DLGAP1: variants seen among roughly 807,000 people sequenced by gnomAD.
The protein encoded by DLGAP1 is disks large-associated protein 1.
A neutral mutation model predicts 90.8 loss-of-function variants in DLGAP1; 11 were observed. The observed-to-expected ratio is 0.12, with a 90% CI of 0.08 to 0.20. DLGAP1 has a LOEUF of 0.20. Among genes scored for constraint, DLGAP1 ranks in the 10% least tolerant of loss-of-function variants. The pLI is 1.00. For synonymous variants in DLGAP1, 558 were observed against 540.7 expected (o/e 1.03, Z -0.44); for missense variants, 1,050 against 1,333.8 (o/e 0.79, Z 3.31).
intron 3 of DLGAP1, among the ~76,000 whole-genome samples, chr18:3,965,031 A>G (rs939464899): frequency 6.6e-6 from 1 of 152,230 alleles, no homozygotes; most frequent in African/African-American, 2.4e-5. Flanking sequence ...CCACCTGGCC[A>G]GAGGGTGATT....
At chr18:3,980,678 T>C (rs1486267478) in intron 3 of DLGAP1, among the ~76,000 whole-genome samples, 1 of 152,188 alleles carries the variant, frequency 6.6e-6, no homozygotes, top group Non-Finnish European at 1.5e-5. Context: ...AGGGTCCCGA[T>C]AGTTTGTCCA....
chr18:3,982,584 T>C (rs1056342804), intron 3 of DLGAP1, among the ~76,000 whole-genome samples: 16 of 152,166 alleles, frequency 1.1e-4, no homozygotes, highest in African/African-American at 3.9e-4. Flanking sequence ...GAGGTTTCCA[T>C]GGGATAGCCT....
At chr18:3,582,366 A>G (rs1171240529) in intron 7 of DLGAP1, 118 bp from the exon 8 acceptor site, 22 of 1,466,704 alleles carry the variant, frequency 1.5e-5, no homozygotes, top group Admixed American at 2.2e-5. Context: ...ATTTAACAGG[A>G]AAACAAGTTC....
At chr18:3,733,079 G>A (rs2062503763) in intron 6 of DLGAP1, among the ~76,000 whole-genome samples, 1 of 152,160 alleles carries the variant, frequency 6.6e-6, no homozygotes, top group South Asian at 2.1e-4. Flanking sequence ...TTAACCCATA[G>A]TATATGCACA....
chr18:3,696,556 C>T (rs926540764), intron 7 of DLGAP1, among the ~76,000 whole-genome samples: 27 of 152,148 alleles, frequency 1.8e-4, no homozygotes, highest in African/African-American at 6.0e-4. Flanking sequence ...CCTACTTGAT[C>T]GTGGTGGATA....
At chr18:3,540,561 A>G (rs1167236381) in intron 9 of DLGAP1, among the ~76,000 whole-genome samples, 1 of 151,868 alleles carries the variant, frequency 6.6e-6, no homozygotes, top group Non-Finnish European at 1.5e-5. Flanking sequence ...CCAAATTAGA[A>G]TCATGCATGG....
rs181947046 is a variant in DLGAP1, at chr18:3,882,941, A to T, written c.-72-2801T>A. On this transcript the variant is annotated intron_variant, in intron 3 of 12. Coordinates refer to ENST00000315677, the MANE Select transcript of DLGAP1 (RefSeq NM_004746.4). ...CCTAGAGAGATAGATATGTGGTTTA[A>T]TTAAGAAACAAAACATATAGTGCTG... Among the ~76,000 whole-genome samples the T allele has an allele frequency of 2.7e-3, 413 of 152,324 alleles. 3 individuals are homozygous for T. The highest frequency in any genetic ancestry group is 6.6e-3 in the South Asian group (32 of 4,826).
intron 1 of DLGAP1, among the ~76,000 whole-genome samples, chr18:4,155,106 A>C (rs1305140948): frequency 6.6e-6 from 1 of 151,884 alleles, no homozygotes; most frequent in Non-Finnish European, 1.5e-5. Flanking sequence ...AAAACTTGAG[A>C]GATGTGAGGG....
intron 1 of DLGAP1, among the ~76,000 whole-genome samples, chr18:4,194,927 G>C (rs1338211616): frequency 6.6e-6 from 1 of 152,114 alleles, no homozygotes; most frequent in Non-Finnish European, 1.5e-5. Context: ...ATTTGTGTGT[G>C]CGTGGTGAGA....
chr18:3,845,443 C>T (rs2068953954), intron 4 of DLGAP1: 2 of 1,345,200 alleles, frequency 1.5e-6, no homozygotes, highest in Non-Finnish European at 9.6e-7. Flanking sequence ...TGCAACTTTA[C>T]ATTTTCATTC....
At position 3,879,156 on chromosome 18, in the gene DLGAP1, TCAC is replaced by T; in HGVS notation, c.910_912del (p.Val304del). On this transcript the variant is annotated inframe_deletion, in exon 4 of 13. Coordinates refer to ENST00000315677, the MANE Select transcript of DLGAP1 (RefSeq NM_004746.4). The surrounding 1 kb of genome is among the most constrained non-coding windows in gnomAD (Gnocchi z 6.6). ...CGTTCTTGCTGACACGACTCGGACT[TCAC>T]CATGGCCTGGTCCATGTTCACCGAG... 1 of 1,509,748 alleles carries T rather than the reference TCAC, an allele frequency of 6.6e-7. No homozygotes were observed. Among genetic ancestry groups the T allele is most frequent in the Non-Finnish European group, 8.9e-7 (1 of 1,128,864 alleles). The allele number at this position is 1,509,748 out of a possible 1,614,324, so 93.5% of individuals were successfully genotyped here.
intron 1 of DLGAP1, among the ~76,000 whole-genome samples, chr18:4,438,657 T>C (rs2083458972): frequency 6.6e-6 from 1 of 151,952 alleles, no homozygotes; most frequent in South Asian, 2.1e-4. Flanking sequence ...CTTCATTTGT[T>C]ACACTTACTC....
chr18:4,276,346 T>G (rs1359317439), intron 1 of DLGAP1, among the ~76,000 whole-genome samples: 1 of 152,030 alleles, frequency 6.6e-6, no homozygotes, highest in Non-Finnish European at 1.5e-5. Flanking sequence ...TTAAAATAAG[T>G]TAAACAAGGC....
intron 5 of DLGAP1, among the ~76,000 whole-genome samples, chr18:3,782,115 C>T (rs1162763733): frequency 6.6e-6 from 1 of 151,376 alleles, no homozygotes; most frequent in African/African-American, 2.4e-5. Context: ...CCTCAATGAT[C>T]ATTAAAGTTC....
At chr18:3,880,240 C>G (rs1638788998) in intron 3 of DLGAP1, 100 bp from the exon 4 acceptor site, 2 of 639,066 alleles carry the variant, frequency 3.1e-6, no homozygotes, top group Non-Finnish European at 5.4e-6. Flanking sequence ...CTAGAGTGCA[C>G]AGGCGCCATC....
At chr18:3,641,614 G>C (rs1049503015) in intron 7 of DLGAP1, among the ~76,000 whole-genome samples, 11 of 124,302 alleles carry the variant, frequency 8.8e-5, no homozygotes, top group African/African-American at 2.8e-4. Flanking sequence ...CACACACACA[G>C]ACACACACAG....
At chr18:4,136,657 T>C (rs2076406529) in intron 2 of DLGAP1, among the ~76,000 whole-genome samples, 1 of 152,198 alleles carries the variant, frequency 6.6e-6, no homozygotes, top group South Asian at 2.1e-4. Context: ...GTCCAATGGA[T>C]AGTTGCAAAC....
chr18:3,829,861 G>A (rs925486185), intron 4 of DLGAP1, among the ~76,000 whole-genome samples: 17 of 152,182 alleles, frequency 1.1e-4, no homozygotes, highest in African/African-American at 3.1e-4. Context: ...AACTCAGCAG[G>A]TGGCTGCACA....
At chr18:3,951,576 A>G (rs2072985639) in intron 3 of DLGAP1, among the ~76,000 whole-genome samples, 1 of 152,228 alleles carries the variant, frequency 6.6e-6, no homozygotes, top group Admixed American at 6.5e-5. Context: ...ACAGAGAAGA[A>G]AAGTTGAGTT....
Sources: gnomAD v4.1 joint callset for allele counts (sites outside exome capture counted in the v4.1 genomes callset) on GRCh38, gnomAD v4.1.1 for gene constraint, Gnocchi (gnomAD v3.1) non-coding constraint, MANE v1.5 for transcripts, NCBI Gene and HGNC (gene_info 2026-07-23, HGNC 2026-07-21) for gene names.